The following VIL1 variants were observed in gnomAD, a reference collection of about 807,000 sequenced individuals.
VIL1 encodes the protein villin-1.
A neutral mutation model predicts 104.0 loss-of-function variants in VIL1; 86 were observed. The observed-to-expected ratio is 0.83, with a 90% confidence interval of 0.69 to 0.99. VIL1 has a LOEUF of 0.99. VIL1 is among the 50% of genes least tolerant of loss of function. The pLI, the probability that VIL1 is intolerant of heterozygous loss-of-function variation, is 0.00. For synonymous variants in VIL1, 394 were observed against 412.6 expected (o/e 0.95, Z 0.55); for missense variants, 944 against 1,054.1 (o/e 0.90, Z 1.45).
Position 218,434,543 on chromosome 2 carries a change from T to A in VIL1, c.1518T>A (p.Thr506=). 6.2e-7 allele frequency: 1 copy of A among 1,612,590 alleles called. No individual in the cohort carries two copies. The highest frequency in any genetic ancestry group is 1.3e-5 in the African/African-American group (1 of 74,964). The change falls in exon 14 of 20, where the codon ACT becomes ACA. Residue 506 remains threonine (T), a synonymous_variant. Coordinates refer to ENST00000248444, the MANE Select transcript of VIL1 (RefSeq NM_007127.3). ...MVVYQGGTSR[T]NNLETGPSTR... is the part of the protein sequence containing the mutation. ...ACCTGCAGGGAGGCACCTCCCGAAC[T>A]AACAACTTGGAGACCGGGCCCTCCA...
rs1559146952 is a variant in VIL1, at chr2:218,429,896, A to AGGGAAGAAAGCCAATGAGCAG, written c.899_919dup (p.Gly300_Gln306dup). 7 of 1,536,738 alleles carry AGGGAAGAAAGCCAATGAGCAG rather than the reference A, an allele frequency of 4.6e-6. 1 individual carries two copies. The South Asian group carries it at 7.8e-5, about 17-fold the overall frequency. Reference sequence around the variant, plus strand: ...GGGGCCTGAAGATCTACGTGTGGAAAGGGAAGAAAGCCAATGAGCAGGAGA... The same window carrying AGGGAAGAAAGCCAATGAGCAG: ...GGGGCCTGAAGATCTACGTGTGGAAAGGGAAGAAAGCCAATGAGCAGGGGAAGAAAGCCAATGAGCAGGAGA... On this transcript the variant is annotated inframe_insertion, in exon 9 of 20. Coordinates refer to ENST00000248444, the MANE Select transcript of VIL1 (RefSeq NM_007127.3).
chr2:218,441,883 A>G (rs1432207683), intron 19 of VIL1, among the ~76,000 whole-genome samples: 1 of 152,136 alleles, frequency 6.6e-6, no homozygotes, highest in Admixed American at 6.6e-5. Flanking sequence ...GCTACTCGGG[A>G]TGCTGAGGCA....
intron 15 of VIL1, 99 bp from the exon 16 acceptor site, chr2:218,436,383 C>G (rs914613723): frequency 1.4e-6 from 2 of 1,472,522 alleles, no homozygotes; most frequent in African/African-American, 2.8e-5. Flanking sequence ...CTGGAGATGA[C>G]CTTTCTATGC....
intron 19 of VIL1, among the ~76,000 whole-genome samples, chr2:218,447,323 C>CT (rs898378011): frequency 3.3e-5 from 5 of 151,758 alleles, no homozygotes; most frequent in East Asian, 3.9e-4. Context: ...GCAATAAAAT[C>CT]TTTTTTTTGA....
In VIL1 at chr2:218,443,154, G is replaced by A. The variant is rs80169729; in HGVS notation, c.2370+2292G>A. Among the ~76,000 whole-genome samples the A allele has an allele frequency of 3.3e-5, 5 of 151,940 alleles. No homozygotes were observed. In the East Asian group the frequency reaches 9.7e-4, roughly 29 times the overall value. On this transcript the variant is annotated intron_variant, in intron 19 of 19. Transcript: ENST00000248444. ...CCAGAGCAAGAACCAGGCCTTCAGA[G>A]TCCCACTGTTACCATCATGCCATGC...
rs1688863008 is a variant in VIL1, at chr2:218,419,402, C to T, written c.-12+234C>T. Among the ~76,000 whole-genome samples, 3 of 152,136 alleles carry T rather than the reference C, an allele frequency of 2.0e-5. No individual in the cohort carries two copies. In the South Asian group the frequency reaches 6.2e-4, roughly 32 times the overall value. On this transcript the variant is annotated intron_variant, in intron 1 of 19. Transcript: ENST00000248444. ...AGACAATGGCTCTCTCAGTCTCCTACCTGTGGCTAGCCCCATCCCACTTTG... is the reference window on the plus strand; with the variant it reads ...AGACAATGGCTCTCTCAGTCTCCTATCTGTGGCTAGCCCCATCCCACTTTG...
chr2:218,435,937 C>G (rs951747876), intron 15 of VIL1, among the ~76,000 whole-genome samples: 1 of 152,204 alleles, frequency 6.6e-6, no homozygotes, highest in African/African-American at 2.4e-5. Context: ...CTCCCAGGTT[C>G]CAGCAATTCT....
At position 218,428,179 on chromosome 2, in the gene VIL1, G is replaced by A. The variant is rs973357946; in HGVS notation, c.457-48G>A. The A allele has an allele frequency of 4.4e-6, 7 of 1,604,074 alleles. No homozygotes were observed. In the South Asian group the frequency reaches 6.6e-5, roughly 15 times the overall value. On this transcript the variant is annotated intron_variant, in intron 5 of 19. Coordinates refer to ENST00000248444, the MANE Select transcript of VIL1 (RefSeq NM_007127.3). The stretch of plus-strand genomic sequence containing the variant: ...GGGAGGGATGGCCAAGATGATGGAT[G>A]ATAGGTGAGCTCTGAGTGGGGTCTG...
chr2:218,429,020 T>G (rs1689048957), intron 6 of VIL1, among the ~76,000 whole-genome samples: 1 of 152,186 alleles, frequency 6.6e-6, no homozygotes, highest in South Asian at 2.1e-4. Flanking sequence ...TAAGCACACA[T>G]TTCCCACACT....
At chr2:218,448,127 G>C (rs2106398662) in intron 19 of VIL1, among the ~76,000 whole-genome samples, 1 of 152,146 alleles carries the variant, frequency 6.6e-6, no homozygotes, top group South Asian at 2.1e-4. Flanking sequence ...AGGTGTGGTG[G>C]TGCATGCCTG....
chr2:218,445,159 G>A (rs1185382590), intron 19 of VIL1, among the ~76,000 whole-genome samples: 2 of 152,176 alleles, frequency 1.3e-5, no homozygotes, highest in Admixed American at 6.5e-5. Context: ...AGGCACTTTG[G>A]GAGGCCAAGG....
rs1283952948 is a variant in VIL1 at position 218,452,480 on chromosome 2, GA to G, written c.*3145del. On this transcript the variant is annotated 3_prime_UTR_variant, in exon 20 of 20. Coordinates refer to ENST00000248444, the MANE Select transcript of VIL1 (RefSeq NM_007127.3). ...ATCTCCACTGGTAGTCAAAGAAGTA[GA>G]TTAAAGGAGTAAAGGAAGGAGAAGG... 6.6e-6 allele frequency: 1 copy of G among 152,178 alleles called. No individual in the cohort carries two copies. The highest frequency in any genetic ancestry group is 1.5e-5 in the Non-Finnish European group (1 of 68,030). The allele number at this position is 152,178 out of a possible 1,614,324, so 9.4% of individuals were successfully genotyped here.
rs746769503 is a variant in VIL1, at chr2:218,436,593, G to C, written c.1938G>C (p.Glu646Asp). 7 of 1,614,098 alleles carry C rather than the reference G, an allele frequency of 4.3e-6. No individual in the cohort carries two copies. In the Admixed American group the frequency reaches 1.0e-4, roughly 23 times the overall value. ...IPDFNQDDLE[E>D]DDVFLLDVWD... Reference sequence around the variant, plus strand: ...ACTTCAATCAGGATGACTTGGAAGAGGATGATGTGTTCCTACTAGATGTCT... The same window carrying C: ...ACTTCAATCAGGATGACTTGGAAGACGATGATGTGTTCCTACTAGATGTCT... Residue 646 changes from glutamate (E) to aspartate (D), a missense_variant, in exon 16 of 20, where the codon GAG (glutamate) becomes GAC (aspartate). Glu to Asp is a conservative substitution (Grantham distance 45, BLOSUM62 2). Transcript: ENST00000248444.
In VIL1 at chr2:218,429,379, A is replaced by G; in HGVS notation, c.662A>G (p.Lys221Arg). Residue 221 changes from lysine to arginine, a missense_variant, in exon 7 of 20, where the codon AAG becomes AGG. Coordinates refer to ENST00000248444, the MANE Select transcript of VIL1 (RefSeq NM_007127.3). ...VDGENELASP[K>R]LMEVMNHVLG... The stretch of plus-strand genomic sequence containing the variant: ...GGAGAGAATGAATTGGCATCCCCGA[A>G]GCTGATGGAGGTGATGAACCACGTG... The G allele has an allele frequency of 6.2e-7, 1 of 1,614,104 alleles. No homozygotes were observed. The highest frequency in any genetic ancestry group is 8.5e-7 in the Non-Finnish European group (1 of 1,180,022).
chr2:218,419,748 G>C (rs2106388443), intron 1 of VIL1, among the ~76,000 whole-genome samples: 1 of 152,262 alleles, frequency 6.6e-6, no homozygotes, highest in Middle Eastern at 3.4e-3. Context: ...GCCATGCCGG[G>C]CCACCCTAGC....
At chr2:218,435,567 G>C in intron 15 of VIL1, 133 bp downstream of exon 15, 4 of 1,274,610 alleles carry the variant, frequency 3.1e-6, no homozygotes, top group Non-Finnish European at 4.3e-6. Context: ...CAGACCCCCA[G>C]GGCTACAAGA....
At chr2:218,438,789 C>A in intron 18 of VIL1, 63 bp downstream of exon 18, 1 of 1,430,340 alleles carries the variant, frequency 7.0e-7, no homozygotes. Flanking sequence ...CCTGTGGGAG[C>A]CAAGAACGCT....
chr2:218,436,580 A>G lies in VIL1; in HGVS notation c.1925A>G (p.Asp642Gly). 2 of 1,614,080 alleles carry G rather than the reference A, an allele frequency of 1.2e-6. No individual in the cohort carries two copies. Among genetic ancestry groups the G allele is most frequent in the Non-Finnish European group, 1.7e-6 (2 of 1,180,024 alleles). Residue 642 changes from aspartate to glycine, a missense_variant, in exon 16 of 20, where the codon GAT (aspartate) becomes GGT (glycine). Transcript: ENST00000248444. ...LATEIPDFNQ[D>G]DLEEDDVFLL... ...ACAGAGATCCCTGACTTCAATCAGG[A>G]TGACTTGGAAGAGGATGATGTGTTC...
intron 1 of VIL1, among the ~76,000 whole-genome samples, chr2:218,421,737 G>A (rs924918062): frequency 1.3e-5 from 2 of 152,120 alleles, no homozygotes; most frequent in Non-Finnish European, 2.9e-5. Flanking sequence ...GGGAGCGCTG[G>A]CTTTTTCAAG....
Sources: gnomAD v4.1 joint callset for allele counts (sites outside exome capture counted in the v4.1 genomes callset) on GRCh38, gnomAD v4.1.1 for gene constraint, MANE v1.5 for transcripts, NCBI Gene and HGNC (gene_info 2026-07-23, HGNC 2026-07-21) for gene names.